The following DEFB131A variants were observed in gnomAD, a reference collection of about 807,000 sequenced individuals.
The protein encoded by DEFB131A is beta-defensin 131A.
In DEFB131A, 5 loss-of-function variants were observed where a neutral mutation model predicts 2.4. That is an observed-to-expected ratio of 2.12 (90% CI 1.11 to 4.47). DEFB131A has a LOEUF of 4.47. Among genes scored for constraint, DEFB131A ranks in the 30% most tolerant of loss-of-function variants. The pLI is 0.00. For synonymous variants in DEFB131A, 34 were observed against 25.7 expected (o/e 1.32, Z -0.97); for missense variants, 120 against 79.9 (o/e 1.50, Z -1.91).
At position 9,444,452 on chromosome 4, in the gene DEFB131A, C is replaced by A; in HGVS notation, c.-82C>A. 3 of 1,505,346 alleles carry A rather than the reference C, an allele frequency of 2.0e-6. No individual in the cohort carries two copies. The highest frequency in any genetic ancestry group is 2.7e-6 in the Non-Finnish European group (3 of 1,098,838). The allele number at this position is 1,505,346 out of a possible 1,614,324, so 93.2% of individuals were successfully genotyped here. A position where few individuals can be genotyped will look rare whatever the true frequency, so the allele number is the denominator to read the frequency against. On this transcript the variant is annotated 5_prime_UTR_variant, in exon 1 of 2. Coordinates refer to ENST00000334879, the MANE Select transcript of DEFB131A (RefSeq NM_001040448.3). ...GGTTCAATAATCACTCAACAACTCA[C>A]CTCTTCAGAGAACTGAATGTACACA...
In DEFB131A at chr4:9,444,486, C is replaced by G. The variant is rs754699060; in HGVS notation, c.-48C>G. The stretch of plus-strand genomic sequence containing the variant: ...AGAACTGAATGTACACAGAAGTCCT[C>G]TTCATCTCAGCTACTGATTCTCTCT... On this transcript the variant is annotated 5_prime_UTR_variant, in exon 1 of 2. Transcript: ENST00000334879. The G allele has an allele frequency of 4.7e-5, 75 of 1,601,990 alleles. No homozygotes were observed. Among genetic ancestry groups the G allele is most frequent in the Non-Finnish European group, 6.2e-5 (73 of 1,174,782 alleles).
chr4:9,448,136 G>A lies in DEFB131A; in HGVS notation c.59-2224G>A, dbSNP rs532184296. Among the ~76,000 whole-genome samples the A allele has an allele frequency of 2.4e-4, 35 of 148,282 alleles. No homozygotes were observed. In the South Asian group the frequency reaches 4.5e-3, roughly 19 times the overall value. Reference sequence around the variant, plus strand: ...GATAAATACAAAAAATTTAAACATAGGCATATTATATTGAAACTGCCAAAA... The same window carrying A: ...GATAAATACAAAAAATTTAAACATAAGCATATTATATTGAAACTGCCAAAA... On this transcript the variant is annotated intron_variant, in intron 1 of 1. Coordinates refer to ENST00000334879, the MANE Select transcript of DEFB131A (RefSeq NM_001040448.3).
chr4:9,444,796 C>T (rs1389187942), intron 1 of DEFB131A, among the ~76,000 whole-genome samples: 1 of 151,880 alleles, frequency 6.6e-6, no homozygotes, highest in Non-Finnish European at 1.5e-5. Flanking sequence ...TCACTTGAGG[C>T]CGGGCACAGT....
chr4:9,444,921 A>C (rs981001766), intron 1 of DEFB131A, among the ~76,000 whole-genome samples: 5 of 144,702 alleles, frequency 3.5e-5, no homozygotes, highest in African/African-American at 1.3e-4. Context: ...AAAAAAAAAA[A>C]AAATACAAAA....
intron 1 of DEFB131A, among the ~76,000 whole-genome samples, chr4:9,446,649 C>A (rs1191600877): frequency 6.6e-6 from 1 of 151,732 alleles, no homozygotes; most frequent in Non-Finnish European, 1.5e-5. Context: ...TTCATTTTTT[C>A]TTGTTTTTCT....
At chr4:9,448,544 G>T (rs536881921) in intron 1 of DEFB131A, among the ~76,000 whole-genome samples, 2 of 152,074 alleles carry the variant, frequency 1.3e-5, no homozygotes, top group Admixed American at 6.6e-5. Flanking sequence ...GGCTGGTCTC[G>T]AACTCCTGAC....
chr4:9,449,858 T>A (rs1717609862), intron 1 of DEFB131A, among the ~76,000 whole-genome samples: 1 of 152,114 alleles, frequency 6.6e-6, no homozygotes. Flanking sequence ...TTTTCTCATT[T>A]CACCAAAAAC....
At chr4:9,446,862 A>G (rs1381986436) in intron 1 of DEFB131A, among the ~76,000 whole-genome samples, 2 of 152,086 alleles carry the variant, frequency 1.3e-5, no homozygotes, top group Non-Finnish European at 2.9e-5. Context: ...GTTCAGAAGC[A>G]TGTTGTTTAA....
At chr4:9,450,279 A>G in intron 1 of DEFB131A, 81 bp from the exon 2 acceptor site, 3 of 1,311,716 alleles carry the variant, frequency 2.3e-6, no homozygotes, top group Middle Eastern at 5.9e-4. Context: ...AATGTTTTTA[A>G]TTTATTATAA....
chr4:9,447,326 C>A (rs1717528659), intron 1 of DEFB131A, among the ~76,000 whole-genome samples: 1 of 151,972 alleles, frequency 6.6e-6, no homozygotes, highest in Non-Finnish European at 1.5e-5. Context: ...TGAATTGGCC[C>A]TTTTATCATT....
chr4:9,445,808 T>A lies in DEFB131A; in HGVS notation c.58+1217T>A, dbSNP rs1381299703. Among the ~76,000 whole-genome samples the A allele has an allele frequency of 3.3e-5, 5 of 152,168 alleles. No homozygotes were observed. The East Asian group carries it at 7.7e-4, about 23-fold the overall frequency. On this transcript the variant is annotated intron_variant, in intron 1 of 1. Coordinates refer to ENST00000334879, the MANE Select transcript of DEFB131A (RefSeq NM_001040448.3). ...ATTATCTAATTCCAGAATATGTTTA[T>A]AACCGCAAGAAGAAATCTCTCCTCC...
chr4:9,445,698 G>A (rs1717475531), intron 1 of DEFB131A, among the ~76,000 whole-genome samples: 4 of 151,824 alleles, frequency 2.6e-5, no homozygotes, highest in Admixed American at 2.0e-4. Flanking sequence ...ATTTTTATGA[G>A]ATACAATTTA....
At chr4:9,449,845 C>A (rs752023460) in intron 1 of DEFB131A, among the ~76,000 whole-genome samples, 7 of 152,092 alleles carry the variant, frequency 4.6e-5, no homozygotes, top group African/African-American at 9.7e-5. Context: ...TTTAAGGATT[C>A]TTTTTTCTCA....
chr4:9,447,036 G>A (rs1717522187), intron 1 of DEFB131A, among the ~76,000 whole-genome samples: 1 of 152,090 alleles, frequency 6.6e-6, no homozygotes, highest in African/African-American at 2.4e-5. Flanking sequence ...TGTTCTATGT[G>A]ATGAGGAGAA....
At chr4:9,448,970 C>T (rs1220297063) in intron 1 of DEFB131A, among the ~76,000 whole-genome samples, 1 of 151,942 alleles carries the variant, frequency 6.6e-6, no homozygotes, top group Non-Finnish European at 1.5e-5. Context: ...AAAATTATTA[C>T]AACTAATAAC....
intron 1 of DEFB131A, among the ~76,000 whole-genome samples, chr4:9,445,753 G>A (rs1434844755): frequency 6.6e-6 from 1 of 152,026 alleles, no homozygotes; most frequent in Non-Finnish European, 1.5e-5. Flanking sequence ...GTGGTTATCA[G>A]TGTATTCTTA....
intron 1 of DEFB131A, among the ~76,000 whole-genome samples, chr4:9,444,921 A>T (rs981001766): frequency 1.4e-5 from 2 of 144,702 alleles, no homozygotes; most frequent in Admixed American, 6.8e-5. Context: ...AAAAAAAAAA[A>T]AAATACAAAA....
At chr4:9,446,992 T>C (rs939428881) in intron 1 of DEFB131A, among the ~76,000 whole-genome samples, 2 of 152,140 alleles carry the variant, frequency 1.3e-5, no homozygotes, top group African/African-American at 2.4e-5. Context: ...TTGAAACTTG[T>C]TTTGTGTCTT....
intron 1 of DEFB131A, among the ~76,000 whole-genome samples, chr4:9,446,107 T>A (rs539173512): frequency 4.0e-4 from 61 of 152,184 alleles, no homozygotes; most frequent in African/African-American, 1.3e-3. Flanking sequence ...TCTATCTCAA[T>A]AAAAATATAA....
Sources: allele counts gnomAD v4.1 joint callset (sites outside exome capture counted in the v4.1 genomes callset), GRCh38; gene constraint gnomAD v4.1.1; transcripts MANE v1.5; gene names NCBI Gene and HGNC (gene_info 2026-07-23, HGNC 2026-07-21).